DENR: variants seen among roughly 807,000 people sequenced by gnomAD.
DENR encodes density-regulated protein.
A neutral mutation model predicts 30.6 loss-of-function variants in DENR; 6 were observed. That is an observed-to-expected ratio of 0.20 (90% CI 0.11 to 0.39). The LOEUF is 0.39. Among genes scored for constraint, DENR ranks in the 10% least tolerant of loss-of-function variants. The pLI is 1.00. For synonymous variants in DENR, 78 were observed against 72.1 expected (o/e 1.08, Z -0.41); for missense variants, 141 against 230.9 (o/e 0.61, Z 2.52).
rs1555252707 is a variant in DENR at position 122,769,514 on chromosome 12, C to CTT, written c.*447_*448dup. The CTT allele has an allele frequency of 1.7e-4, 110 of 651,412 alleles. No individual in the cohort carries two copies. Among genetic ancestry groups the CTT allele is most frequent in the South Asian group, 5.9e-4 (9 of 15,220 alleles). The allele number at this position is 651,412 out of a possible 1,614,324, so 40.4% of individuals were successfully genotyped here. On this transcript the variant is annotated 3_prime_UTR_variant, in exon 8 of 8. Coordinates refer to ENST00000280557, the MANE Select transcript of DENR (RefSeq NM_003677.5). ...TGACTTTCTCTCTCTCTCTCTCTCT[C>CTT]TTTTTTTTTTTTGACAGAGTCTCGC...
At position 122,753,747 on chromosome 12, in the gene DENR, G is replaced by T; in HGVS notation, c.46G>T (p.Asp16Tyr). ...SESSGADCKG[D>Y]PRNSAKLDAD... ...ATCCAGCGGGGCTGACTGCAAAGGA[G>T]ACCCAAGGAACAGTGCCAAGTTAGA... The change falls in exon 2 of 8, where the codon GAC becomes TAC. Residue 16 changes from aspartate (D) to tyrosine (Y), a missense_variant. Physicochemically the swap from Asp to Tyr is radical, Grantham distance 160. Coordinates refer to ENST00000280557, the MANE Select transcript of DENR (RefSeq NM_003677.5). 6.2e-7 allele frequency: 1 copy of T among 1,614,040 alleles called. No homozygotes were observed. The highest frequency in any genetic ancestry group is 1.7e-5 in the Admixed American group (1 of 60,020).
intron 2 of DENR, among the ~76,000 whole-genome samples, chr12:122,758,957 G>C (rs1253605085): frequency 2.0e-5 from 3 of 151,502 alleles, no homozygotes; most frequent in African/African-American, 7.3e-5. Context: ...CGATTCTCCT[G>C]CCTCAGCCTT....
chr12:122,753,379 C>A (rs4759358), intron 1 of DENR, among the ~76,000 whole-genome samples: 12 of 152,176 alleles, frequency 7.9e-5, no homozygotes, highest in Admixed American at 2.0e-4. Context: ...CACCCTCAGA[C>A]CTTTTTGCTC....
chr12:122,767,672 CTG>C, intron 6 of DENR, 68 bp downstream of exon 6: 1 of 867,512 alleles, frequency 1.2e-6, no homozygotes, highest in Non-Finnish European at 1.7e-6. Flanking sequence ...CTCTATCTCT[CTG>C]TCTCTCTCTC....
rs1285684765 is a variant in DENR at position 122,770,523 on chromosome 12, T to C, written c.*1445T>C. The C allele has an allele frequency of 2.5e-6, 1 of 397,598 alleles. No homozygotes were observed. The highest frequency in any genetic ancestry group is 2.1e-5 in the African/African-American group (1 of 48,610). 24.6% of individuals were successfully genotyped at this position (397,598 alleles called of 1,614,324 possible). A position where few individuals can be genotyped will look rare whatever the true frequency, so the allele number is the denominator to read the frequency against. On this transcript the variant is annotated 3_prime_UTR_variant, in exon 8 of 8. Coordinates refer to ENST00000280557, the MANE Select transcript of DENR (RefSeq NM_003677.5). ...AATTGTGCTAACCAGTTAAAAGTAC[T>C]GTACACCCATGCTCAATATATAGTC...
Position 122,767,574 on chromosome 12 carries a change from G to A in DENR, c.382G>A (p.Val128Met). The A allele has an allele frequency of 6.2e-7, 1 of 1,602,352 alleles. No homozygotes were observed. Among genetic ancestry groups the A allele is most frequent in the Non-Finnish European group, 8.5e-7 (1 of 1,174,746 alleles). ...AKIPRAKKKY[V>M]TRVCGLATFE... ...AATTCCCAGAGCAAAGAAGAAATAT[G>A]TGACAAGAGTATGTGGCCTTGCAAC... Residue 128 changes from valine to methionine, a missense_variant, in exon 6 of 8, where the codon GTG (valine) becomes ATG (methionine). Coordinates refer to ENST00000280557, the MANE Select transcript of DENR (RefSeq NM_003677.5).
At chr12:122,760,137 C>T (rs553602924) in intron 2 of DENR, among the ~76,000 whole-genome samples, 3 of 152,214 alleles carry the variant, frequency 2.0e-5, no homozygotes, top group Non-Finnish European at 4.4e-5. Context: ...CTTTGTGTAA[C>T]CTAAGTTAGT....
At chr12:122,767,355 A>G in intron 5 of DENR, 133 bp from the exon 6 acceptor site, 1 of 600,022 alleles carries the variant, frequency 1.7e-6, no homozygotes, top group Non-Finnish European at 2.8e-6. Flanking sequence ...TATTGAATGA[A>G]TACTTGGATG....
chr12:122,758,994 G>A (rs960624634), intron 2 of DENR, among the ~76,000 whole-genome samples: 3 of 151,786 alleles, frequency 2.0e-5, no homozygotes, highest in Non-Finnish European at 4.4e-5. Context: ...ACAGGTGTGC[G>A]CCACCACACC....
rs1241954835 is a variant in DENR, at chr12:122,770,502, G to T, written c.*1424G>T. 1.0e-5 allele frequency: 4 copies of T among 397,000 alleles called. No individual in the cohort carries two copies. Among genetic ancestry groups the T allele is most frequent in the African/African-American group, 2.1e-5 (1 of 48,608 alleles). The allele number at this position is 397,000 out of a possible 1,614,324, so 24.6% of individuals were successfully genotyped here. A position where few individuals can be genotyped will look rare whatever the true frequency, so the allele number is the denominator to read the frequency against. On this transcript the variant is annotated 3_prime_UTR_variant, in exon 8 of 8. Transcript: ENST00000280557. ...GGCTATAAATTATGTGAGTAAAATT[G>T]TGCTAACCAGTTAAAAGTACTGTAC...
rs1878928826 is a variant in DENR at position 122,769,133 on chromosome 12, G to A, written c.*55G>A. 1.3e-6 allele frequency: 2 copies of A among 1,547,368 alleles called. No homozygotes were observed. Among genetic ancestry groups the A allele is most frequent in the Admixed American group, 3.9e-5 (2 of 50,782 alleles). On this transcript the variant is annotated 3_prime_UTR_variant, in exon 8 of 8. Transcript: ENST00000280557. ...TGAACTGAGAGTTGATATGGCCAAA[G>A]GGAGAGAGGCCTTTTAAAATATATA...
chr12:122,753,836 T>G, intron 2 of DENR, 29 bp downstream of exon 2: 1 of 1,515,924 alleles, frequency 6.6e-7, no homozygotes, highest in Non-Finnish European at 9.2e-7. Flanking sequence ...AGAATGACTT[T>G]TACTCACTAT....
intron 1 of DENR, 28 bp from the exon 2 acceptor site, chr12:122,753,665 G>C: frequency 6.5e-7 from 1 of 1,543,192 alleles, no homozygotes. Context: ...CTAAAATAGT[G>C]AGGGTGTGTT....
chr12:122,753,212 A>C (rs1181161593), intron 1 of DENR, among the ~76,000 whole-genome samples: 1 of 106,420 alleles, frequency 9.4e-6, no homozygotes, highest in African/African-American at 3.8e-5. Context: ...TGCCCTTTTT[A>C]GACTCCCCAG....
At chr12:122,764,797 A>G (rs892396292) in intron 4 of DENR, among the ~76,000 whole-genome samples, 2 of 152,228 alleles carry the variant, frequency 1.3e-5, no homozygotes, top group South Asian at 2.1e-4. Context: ...TTGACTTTCA[A>G]GTGATTTCCC....
intron 4 of DENR, among the ~76,000 whole-genome samples, chr12:122,764,660 G>A (rs1221925442): frequency 6.6e-6 from 1 of 152,184 alleles, no homozygotes; most frequent in African/African-American, 2.4e-5. Context: ...GAATTCCTCA[G>A]TTTTCTCATA....
chr12:122,769,335 A>G lies in DENR; in HGVS notation c.*257A>G, dbSNP rs1292362789. The G allele has an allele frequency of 1.0e-5, 10 of 965,424 alleles. No individual in the cohort carries two copies. The highest frequency in any genetic ancestry group is 1.2e-5 in the Non-Finnish European group (10 of 823,348). 59.8% of individuals were successfully genotyped at this position (965,424 alleles called of 1,614,324 possible). A position where few individuals can be genotyped will look rare whatever the true frequency, so the allele number is the denominator to read the frequency against. On this transcript the variant is annotated 3_prime_UTR_variant, in exon 8 of 8. Coordinates refer to ENST00000280557, the MANE Select transcript of DENR (RefSeq NM_003677.5). Reference sequence around the variant, plus strand: ...ATATGTATACATATATATATATTCTACAGTAAAACTGTAGACTGTCCTCGT... The same window carrying G: ...ATATGTATACATATATATATATTCTGCAGTAAAACTGTAGACTGTCCTCGT...
chr12:122,770,086 A>G lies in DENR; in HGVS notation c.*1008A>G, dbSNP rs958799679. The G allele has an allele frequency of 3.3e-5, 5 of 152,632 alleles. No homozygotes were observed. The highest frequency in any genetic ancestry group is 4.1e-4 in the South Asian group (2 of 4,832). 9.5% of individuals were successfully genotyped at this position (152,632 alleles called of 1,614,324 possible). ...ACTGTTGGTAGGAGTTGTTTGAGCT[A>G]TTCTGGAGATTATTTGGTAAAGTAT... On this transcript the variant is annotated 3_prime_UTR_variant, in exon 8 of 8. Transcript: ENST00000280557.
chr12:122,753,942 G>A, intron 2 of DENR, 135 bp downstream of exon 2: 2 of 733,984 alleles, frequency 2.7e-6, no homozygotes, highest in Non-Finnish European at 4.7e-6. Context: ...GGAGTCCTGG[G>A]GAGGAGGAGG....
Sources: gnomAD v4.1 joint callset for allele counts (sites outside exome capture counted in the v4.1 genomes callset) on GRCh38, gnomAD v4.1.1 for gene constraint, MANE v1.5 for transcripts, NCBI Gene and HGNC (gene_info 2026-07-23, HGNC 2026-07-21) for gene names.